Variants in GRXCR1 observed in about 807,000 individuals in gnomAD.
GRXCR1 encodes the protein glutaredoxin domain-containing cysteine-rich protein 1.
A neutral mutation model predicts 27.3 loss-of-function variants in GRXCR1; 27 were observed. That is an observed-to-expected ratio of 0.99 (90% confidence interval 0.73 to 1.37). The LOEUF (loss-of-function observed/expected upper bound fraction) is 1.37. GRXCR1 is among the 40% of genes most tolerant of loss of function. GRXCR1 has a pLI of 0.00. For synonymous variants in GRXCR1, 122 were observed against 131.1 expected (o/e 0.93, Z 0.47); for missense variants, 379 against 354.4 (o/e 1.07, Z -0.56).
At chr4:42,996,491 C>G (rs78340274) in intron 2 of GRXCR1, among the ~76,000 whole-genome samples, 1,598 of 152,162 alleles carry the variant, frequency 0.011, 18 homozygotes, top group African/African-American at 0.022. Context: ...CCAACTTGTG[C>G]TTTTTGATAT....
chr4:42,914,974 G>A (rs1746852650), intron 1 of GRXCR1, among the ~76,000 whole-genome samples: 2 of 152,084 alleles, frequency 1.3e-5, no homozygotes, highest in Admixed American at 6.5e-5. Context: ...ATGATTGTAA[G>A]TTTCCTGAGG....
intron 2 of GRXCR1, among the ~76,000 whole-genome samples, chr4:43,015,417 G>A (rs1172488538): frequency 6.6e-6 from 1 of 152,086 alleles, no homozygotes; most frequent in Non-Finnish European, 1.5e-5. Context: ...AACTGGTAGT[G>A]GTTGGATGTA....
At chr4:42,941,500 G>T (rs1747620978) in intron 1 of GRXCR1, among the ~76,000 whole-genome samples, 1 of 151,854 alleles carries the variant, frequency 6.6e-6, no homozygotes, top group African/African-American at 2.4e-5. Flanking sequence ...TAATTATTTG[G>T]CTTCCGACAT....
intron 1 of GRXCR1, among the ~76,000 whole-genome samples, chr4:42,919,780 A>G (rs1168679166): frequency 6.6e-6 from 1 of 152,082 alleles, no homozygotes; most frequent in Non-Finnish European, 1.5e-5. Context: ...TCTTTATTTT[A>G]TATTTTGAGA....
chr4:43,023,139 C>G (rs2109808555), intron 3 of GRXCR1, among the ~76,000 whole-genome samples: 1 of 152,176 alleles, frequency 6.6e-6, no homozygotes, highest in East Asian at 1.9e-4. Flanking sequence ...GACACAAAAC[C>G]TGGGTTAGTA....
intron 2 of GRXCR1, among the ~76,000 whole-genome samples, chr4:42,998,030 T>C (rs1560681355): frequency 6.6e-6 from 1 of 152,214 alleles, no homozygotes; most frequent in Non-Finnish European, 1.5e-5. Flanking sequence ...CGTATATTTC[T>C]TACTTTATGT....
intron 3 of GRXCR1, 40 bp downstream of exon 3, chr4:43,020,459 T>C (rs754982160): frequency 1.2e-4 from 141 of 1,197,600 alleles, no homozygotes; most frequent in Admixed American, 2.7e-4. Flanking sequence ...GTAATCAAAA[T>C]ATTAAACACA....
In GRXCR1 at chr4:42,965,668, A is replaced by T. The variant is rs765535242; in HGVS notation, c.627+2534A>T. 8.6e-5 allele frequency among the ~76,000 whole-genome samples: 13 copies of T among 152,032 alleles called. 2 individuals are homozygous for T. ...ACCATTTGATTTAGTTTAAATTTAGATGGGTGAGAAAAATCAAGATTTGTG... is the reference window on the plus strand; with the variant it reads ...ACCATTTGATTTAGTTTAAATTTAGTTGGGTGAGAAAAATCAAGATTTGTG... On this transcript the variant is annotated intron_variant, in intron 2 of 3. Transcript: ENST00000399770.
chr4:42,948,255 T>C (rs1385725861), intron 1 of GRXCR1, among the ~76,000 whole-genome samples: 2 of 151,160 alleles, frequency 1.3e-5, no homozygotes, highest in Non-Finnish European at 2.9e-5. Flanking sequence ...TTTTAATACC[T>C]GAAAGGAAAG....
intron 1 of GRXCR1, among the ~76,000 whole-genome samples, chr4:42,904,316 C>T (rs948757855): frequency 1.3e-5 from 2 of 152,184 alleles, no homozygotes; most frequent in African/African-American, 4.8e-5. Context: ...TATGTCTAGA[C>T]TCTTGAAAAC....
chr4:42,956,819 C>G (rs1179031061), intron 1 of GRXCR1, among the ~76,000 whole-genome samples: 2 of 152,058 alleles, frequency 1.3e-5, no homozygotes, highest in Admixed American at 1.3e-4. Context: ...ACAACTACCC[C>G]CACTGGTCCT....
intron 1 of GRXCR1, among the ~76,000 whole-genome samples, chr4:42,959,869 G>A (rs376132093): frequency 6.6e-6 from 1 of 151,754 alleles, no homozygotes; most frequent in East Asian, 1.9e-4. Context: ...TATTTAATTG[G>A]TATGGGCTTG....
rs555485986 is a variant in GRXCR1, at chr4:43,029,161, G to C, written c.694-1200G>C. Among the ~76,000 whole-genome samples the C allele has an allele frequency of 3.3e-5, 5 of 152,178 alleles. No homozygotes were observed. The South Asian group carries it at 1.0e-3, about 32-fold the overall frequency. ...TATGAGAGAATTATATTATTGACTC[G>C]ATAAAAATTCTCATAATTATATGTG... On this transcript the variant is annotated intron_variant, in intron 3 of 3. Coordinates refer to ENST00000399770, the MANE Select transcript of GRXCR1 (RefSeq NM_001080476.3).
chr4:42,949,611 GTACC>G (rs1489684769), intron 1 of GRXCR1, among the ~76,000 whole-genome samples: 1 of 151,890 alleles, frequency 6.6e-6, no homozygotes, highest in Non-Finnish European at 1.5e-5. Flanking sequence ...GATAATAACA[GTACC>G]TACCTTACTT....
At chr4:42,984,463 C>T (rs938086754) in intron 2 of GRXCR1, among the ~76,000 whole-genome samples, 1 of 152,122 alleles carries the variant, frequency 6.6e-6, no homozygotes. Context: ...GTTCTTGATC[C>T]TTGTGGACAT....
At chr4:42,984,842 G>A (rs982043830) in intron 2 of GRXCR1, among the ~76,000 whole-genome samples, 1 of 152,170 alleles carries the variant, frequency 6.6e-6, no homozygotes, top group African/African-American at 2.4e-5. Flanking sequence ...TGCCTCATAG[G>A]CCAAACGCTT....
chr4:42,989,116 C>T (rs920239509), intron 2 of GRXCR1, among the ~76,000 whole-genome samples: 2 of 152,174 alleles, frequency 1.3e-5, no homozygotes, highest in African/African-American at 2.4e-5. Flanking sequence ...CTATAATTTC[C>T]TCTTTTATAT....
At chr4:42,955,354 C>T (rs1200063517) in intron 1 of GRXCR1, among the ~76,000 whole-genome samples, 1 of 152,094 alleles carries the variant, frequency 6.6e-6, no homozygotes, top group Non-Finnish European at 1.5e-5. Flanking sequence ...AGGCAAACCT[C>T]TTTAATTCAC....
chr4:42,901,522 A>G (rs1009033620), intron 1 of GRXCR1, among the ~76,000 whole-genome samples: 2 of 152,036 alleles, frequency 1.3e-5, no homozygotes, highest in African/African-American at 4.8e-5. Context: ...CCTTTTTCCC[A>G]TATAAAGATC....
Sources: gnomAD v4.1 joint callset for allele counts (sites outside exome capture counted in the v4.1 genomes callset) on GRCh38, gnomAD v4.1.1 for gene constraint, MANE v1.5 for transcripts, NCBI Gene and HGNC (gene_info 2026-07-23, HGNC 2026-07-21) for gene names.